Variants in WWP2 observed in about 807,000 individuals in gnomAD.
The protein encoded by WWP2 is NEDD4-like E3 ubiquitin-protein ligase WWP2.
In WWP2, 57 loss-of-function variants were observed where a neutral mutation model predicts 121.0. The observed-to-expected ratio is 0.47, with a 90% CI of 0.38 to 0.59. The LOEUF (loss-of-function observed/expected upper bound fraction) is 0.59, where lower values mean the gene tolerates loss of function less well. WWP2 is among the 20% of genes least tolerant of loss of function. The pLI, the probability that WWP2 is intolerant of heterozygous loss-of-function variation, is 0.00. For synonymous variants in WWP2, 449 were observed against 441.3 expected (o/e 1.02, Z -0.22); for missense variants, 962 against 1,158.9 (o/e 0.83, Z 2.47).
intron 4 of WWP2, among the ~76,000 whole-genome samples, chr16:69,837,198 T>C (rs937813131): frequency 3.9e-5 from 6 of 152,240 alleles, no homozygotes; most frequent in Non-Finnish European, 8.8e-5. Context: ...GTGCTGGGAT[T>C]ACAGGCATGA....
chr16:69,822,810 A>G (rs996365052), intron 4 of WWP2, among the ~76,000 whole-genome samples: 1 of 152,158 alleles, frequency 6.6e-6, no homozygotes, highest in African/African-American at 2.4e-5. Flanking sequence ...TGTGTGTATA[A>G]TTTAGAATTT....
intron 6 of WWP2, among the ~76,000 whole-genome samples, chr16:69,846,355 G>C (rs563896085): frequency 6.6e-6 from 1 of 152,152 alleles, no homozygotes; most frequent in South Asian, 2.1e-4. Flanking sequence ...GATGTCATAC[G>C]TAGAAAGTTG....
At chr16:69,770,822 A>G (rs1385649300) in intron 1 of WWP2, among the ~76,000 whole-genome samples, 5 of 152,000 alleles carry the variant, frequency 3.3e-5, no homozygotes, top group Non-Finnish European at 7.4e-5. Context: ...TGGGGCTCCC[A>G]CACATCTGGT....
intron 7 of WWP2, among the ~76,000 whole-genome samples, chr16:69,879,379 C>T (rs994584625): frequency 6.6e-6 from 1 of 151,876 alleles, no homozygotes; most frequent in Non-Finnish European, 1.5e-5. Context: ...TAACATTTCC[C>T]CCCAACCTGA....
Position 69,930,176 on chromosome 16 carries a change from A to G in WWP2, c.1363A>G (p.Thr455Ala), listed in dbSNP as rs2058692182. 1 of 1,613,930 alleles carries G rather than the reference A, an allele frequency of 6.2e-7. No homozygotes were observed. The highest frequency in any genetic ancestry group is 1.3e-5 in the African/African-American group (1 of 74,914). Residue 455 changes from threonine (T) to alanine (A), a missense_variant, in exon 13 of 24, where the codon ACC becomes GCC. Thr to Ala is a moderately conservative substitution (Grantham distance 58). Around this residue, in one of 3 missense-constraint regions of WWP2, gnomAD observed 606 missense variants for 772.6 expected, o/e 0.78. Coordinates refer to ENST00000359154, the MANE Select transcript of WWP2 (RefSeq NM_001270454.2). ...ALPPGWEMKY[T>A]SEGVRYFVDH... ...GCCCCCAGGATGGGAGATGAAATAC[A>G]CCAGCGAGGGGGTGCGATACTTTGT...
intron 1 of WWP2, among the ~76,000 whole-genome samples, 192 bp downstream of exon 1, chr16:69,762,583 G>A (rs923893470): frequency 6.3e-4 from 95 of 151,628 alleles, no homozygotes; most frequent in African/African-American, 1.8e-3. Flanking sequence ...GCCCGAGTGG[G>A]GTGGGCGCGC....
At chr16:69,838,654 G>A in intron 4 of WWP2, 1 of 896,274 alleles carries the variant, frequency 1.1e-6, no homozygotes, top group Non-Finnish European at 1.3e-6. Context: ...GGCAAGAGGT[G>A]GCTGGGGGTT....
At chr16:69,863,639 TC>T (rs2057467146) in intron 6 of WWP2, among the ~76,000 whole-genome samples, 1 of 152,090 alleles carries the variant, frequency 6.6e-6, no homozygotes, top group Non-Finnish European at 1.5e-5. Context: ...AAACTCCGTC[TC>T]AAAAACAAAC....
intron 2 of WWP2, among the ~76,000 whole-genome samples, chr16:69,789,206 T>A (rs1227845642): frequency 6.6e-6 from 1 of 152,174 alleles, no homozygotes; most frequent in East Asian, 1.9e-4. Context: ...TACCAGTGTG[T>A]GCCACCAGGC....
chr16:69,937,703 G>A lies in WWP2; in HGVS notation c.2343+51G>A, dbSNP rs768751912. On this transcript the variant is annotated intron_variant, in intron 21 of 23. Transcript: ENST00000359154. This position sits in a 1 kb window ranked among gnomAD's most constrained non-coding sequence, Gnocchi z 6.6. ...AGGGACATTTGGGCCATCAACCAAA[G>A]GAAACGGGTCCTGAGGAGGCCTCAC... The A allele has an allele frequency of 6.3e-7, 1 of 1,591,892 alleles. No individual in the cohort carries two copies.
intron 4 of WWP2, among the ~76,000 whole-genome samples, chr16:69,823,115 A>T (rs2056623461): frequency 1.3e-5 from 2 of 152,234 alleles, no homozygotes; most frequent in Non-Finnish European, 2.9e-5. Context: ...TGCGCAACAG[A>T]GCGAGACTGT....
At chr16:69,895,674 C>T (rs1242896176) in intron 8 of WWP2, among the ~76,000 whole-genome samples, 3 of 152,118 alleles carry the variant, frequency 2.0e-5, no homozygotes, top group South Asian at 2.1e-4. Context: ...GCAGGAGGAT[C>T]GCATAAGTCC....
intron 10 of WWP2, among the ~76,000 whole-genome samples, chr16:69,920,635 T>A (rs1363862886): frequency 6.7e-6 from 1 of 148,398 alleles, no homozygotes; most frequent in Admixed American, 6.7e-5. Flanking sequence ...AAAAAAAAAA[T>A]GGAACCGAAT....
chr16:69,897,020 G>C (rs1460361589), intron 8 of WWP2, among the ~76,000 whole-genome samples: 1 of 151,990 alleles, frequency 6.6e-6, no homozygotes, highest in Non-Finnish European at 1.5e-5. Context: ...GATACAAATG[G>C]AGAAGAATGT....
At chr16:69,769,016 AT>A (rs1236251208) in intron 1 of WWP2, among the ~76,000 whole-genome samples, 4 of 152,172 alleles carry the variant, frequency 2.6e-5, no homozygotes, top group African/African-American at 9.7e-5. Context: ...TTCCTTGCAT[AT>A]CTTTCAAGAA....
At position 69,930,186 on chromosome 16, in the gene WWP2, G is replaced by A. The variant is rs1726532944; in HGVS notation, c.1373G>A (p.Gly458Glu). Residue 458 changes from glycine (G) to glutamate (E), a missense_variant, in exon 13 of 24, where the codon GGG becomes GAG. Transcript: ENST00000359154. Reference sequence around the variant, plus strand: ...TGGGAGATGAAATACACCAGCGAGGGGGTGCGATACTTTGTGGACCACAAT... The same window carrying A: ...TGGGAGATGAAATACACCAGCGAGGAGGTGCGATACTTTGTGGACCACAAT... ...PGWEMKYTSE[G>E]VRYFVDHNTR... is the part of the protein sequence containing the mutation. 6.2e-7 allele frequency: 1 copy of A among 1,613,868 alleles called. No individual in the cohort carries two copies. Among genetic ancestry groups the A allele is most frequent in the African/African-American group, 1.3e-5 (1 of 74,904 alleles).
intron 7 of WWP2, among the ~76,000 whole-genome samples, chr16:69,881,290 G>T (rs2057824802): frequency 6.6e-6 from 1 of 152,196 alleles, no homozygotes; most frequent in Non-Finnish European, 1.5e-5. Flanking sequence ...TACTGGTTCT[G>T]CTACTTGCTG....
At chr16:69,838,648 A>G in intron 4 of WWP2, 1 of 855,564 alleles carries the variant, frequency 1.2e-6, no homozygotes, top group African/African-American at 1.8e-5. Context: ...AGGGATGGCA[A>G]GAGGTGGCTG....
intron 4 of WWP2, among the ~76,000 whole-genome samples, chr16:69,800,481 G>A (rs759389920): frequency 6.6e-6 from 1 of 151,968 alleles, no homozygotes; most frequent in African/African-American, 2.4e-5. Context: ...CTTTTGGTTA[G>A]CAAAAGTCCT....
Sources: allele counts gnomAD v4.1 joint callset (sites outside exome capture counted in the v4.1 genomes callset), GRCh38; gene constraint gnomAD v4.1.1; regional missense constraint gnomAD v4.1.1; non-coding constraint Gnocchi (gnomAD v3.1); transcripts MANE v1.5; gene names NCBI Gene and HGNC (gene_info 2026-07-23, HGNC 2026-07-21).